SLC22A14: variants seen among roughly 807,000 people sequenced by gnomAD.
SLC22A14 encodes the protein solute carrier family 22 member 14.
Under a neutral mutation model 53.9 loss-of-function variants are expected in SLC22A14, and 50 were observed. The ratio of observed to expected loss-of-function variants is 0.93; its 90% CI spans 0.74 to 1.17. The LOEUF (loss-of-function observed/expected upper bound fraction) is 1.17, where lower values mean the gene tolerates loss of function less well. Among genes scored for constraint, SLC22A14 ranks in the 50% most tolerant of loss-of-function variants. The pLI is 0.00. For missense variants in SLC22A14, 671 were observed against 734.7 expected (o/e 0.91, Z 1.00); for synonymous variants, 312 against 303.0 (o/e 1.03, Z -0.31).
intron 1 of SLC22A14, among the ~76,000 whole-genome samples, chr3:38,300,528 T>G (rs1239508991): frequency 6.6e-6 from 1 of 152,070 alleles, no homozygotes; most frequent in Non-Finnish European, 1.5e-5. Flanking sequence ...GCACATTGGG[T>G]GGAGTCTAGA....
intron 1 of SLC22A14, among the ~76,000 whole-genome samples, 190 bp downstream of exon 1, chr3:38,282,529 C>T (rs1444241): frequency 0.04 from 6,163 of 152,244 alleles, 333 homozygotes; most frequent in African/African-American, 0.12. Flanking sequence ...TCCCAGAAAG[C>T]GTGAGTTCTC....
At chr3:38,315,246 G>A (rs3828441) in intron 8 of SLC22A14, among the ~76,000 whole-genome samples, 34,262 of 152,282 alleles carry the variant, frequency 0.22, 4,038 homozygotes, top group South Asian at 0.43. Flanking sequence ...GGGTGAGGAA[G>A]CTGCAATTGG....
chr3:38,312,604 A>G (rs1325563625), intron 5 of SLC22A14, among the ~76,000 whole-genome samples: 2 of 152,158 alleles, frequency 1.3e-5, no homozygotes, highest in East Asian at 3.9e-4. Flanking sequence ...AACAGGAGAA[A>G]TCCCAACTAA....
chr3:38,281,669 G>A (rs866257530), upstream of SLC22A14, among the ~76,000 whole-genome samples: 1 of 152,194 alleles, frequency 6.6e-6, no homozygotes, highest in South Asian at 2.1e-4. Flanking sequence ...GCCCCATCAC[G>A]CTACCACACT....
intron 1 of SLC22A14, among the ~76,000 whole-genome samples, chr3:38,297,374 A>G (rs1274367663): frequency 6.6e-6 from 1 of 152,098 alleles, no homozygotes; most frequent in Non-Finnish European, 1.5e-5. Flanking sequence ...AGCCTTTTTC[A>G]TGCTTTAATA....
chr3:38,299,909 T>A (rs1448395094), intron 1 of SLC22A14, among the ~76,000 whole-genome samples: 2 of 152,240 alleles, frequency 1.3e-5, no homozygotes, highest in Non-Finnish European at 2.9e-5. Context: ...ACCAGCCTCC[T>A]ATGTATATGG....
intron 1 of SLC22A14, among the ~76,000 whole-genome samples, chr3:38,295,205 C>T (rs1704002855): frequency 6.6e-6 from 1 of 152,180 alleles, no homozygotes; most frequent in African/African-American, 2.4e-5. Flanking sequence ...ATTTAAATCC[C>T]CTGTTAGGAA....
At chr3:38,312,643 G>A (rs1704498602) in intron 5 of SLC22A14, among the ~76,000 whole-genome samples, 1 of 152,312 alleles carries the variant, frequency 6.6e-6, no homozygotes, top group Admixed American at 6.5e-5. Flanking sequence ...GGAGGCTGTG[G>A]GCATGGAGGT....
chr3:38,315,082 C>T (rs537826218), intron 8 of SLC22A14, among the ~76,000 whole-genome samples: 2 of 152,372 alleles, frequency 1.3e-5, no homozygotes, highest in South Asian at 4.1e-4. Flanking sequence ...GGCCGGAGAA[C>T]ATCCTGGAAT....
chr3:38,293,614 G>A (rs1038949182), intron 1 of SLC22A14, among the ~76,000 whole-genome samples: 13 of 150,674 alleles, frequency 8.6e-5, no homozygotes, highest in African/African-American at 2.5e-4. Context: ...CCAGAAAGGC[G>A]GTAGGATTTT....
At chr3:38,317,910 A>C (rs1704665405) in intron 10 of SLC22A14, among the ~76,000 whole-genome samples, 1 of 152,176 alleles carries the variant, frequency 6.6e-6, no homozygotes, top group Non-Finnish European at 1.5e-5. Flanking sequence ...AACCTACATA[A>C]AGCAGCTGGC....
chr3:38,315,594 C>A lies in SLC22A14; in HGVS notation c.1415C>A (p.Pro472Gln). Residue 472 changes from proline to glutamine, a missense_variant, in exon 9 of 11, where the codon CCG (proline) becomes CAG (glutamine). Physicochemically the swap from Pro to Gln is moderately conservative, Grantham distance 76 (BLOSUM62 -1). Coordinates refer to ENST00000448498, the MANE Select transcript of SLC22A14 (RefSeq NM_001320033.2). ...CTCAGACTCAAGTGGCCACGTTGTC[C>A]GGCCACAGAGCTGAAATCCATGACG... ...DGLRLKWPRCPATELKSMTIL... is the reference protein window; with the variant it reads ...DGLRLKWPRCQATELKSMTIL... 1.9e-6 allele frequency: 3 copies of A among 1,614,068 alleles called. No homozygotes were observed. Among genetic ancestry groups the A allele is most frequent in the Non-Finnish European group, 1.7e-6 (2 of 1,179,978 alleles).
chr3:38,314,061 A>G (rs1704560356), intron 8 of SLC22A14, 120 bp downstream of exon 8: 3 of 739,314 alleles, frequency 4.1e-6, no homozygotes, highest in South Asian at 1.7e-5. Flanking sequence ...TTCTGCACCT[A>G]TAGCCCACCC....
At chr3:38,281,198 C>G (rs909046806), upstream of SLC22A14, among the ~76,000 whole-genome samples, 1 of 152,178 alleles carries the variant, frequency 6.6e-6, no homozygotes, top group African/African-American at 2.4e-5. Flanking sequence ...TTGCAGTGCC[C>G]TGCCCCCAAA....
chr3:38,312,588 A>G (rs1280880824), intron 5 of SLC22A14, among the ~76,000 whole-genome samples: 1 of 152,174 alleles, frequency 6.6e-6, no homozygotes, highest in African/African-American at 2.4e-5. Context: ...GGGGAGACAG[A>G]TAGGGAACAG....
rs1171859217 is a variant in SLC22A14, at chr3:38,307,547, C to G, written c.621-19C>G. 8 of 1,611,402 alleles carry G rather than the reference C, an allele frequency of 5.0e-6. No individual in the cohort carries two copies. On this transcript the variant is annotated intron_variant, in intron 3 of 10. Coordinates refer to ENST00000448498, the MANE Select transcript of SLC22A14 (RefSeq NM_001320033.2). The surrounding 1 kb of genome is among the most constrained non-coding windows in gnomAD (Gnocchi z 4.4). ...GGGAGATCCCGGCACTTGGTGCAGC[C>G]TCCCTTTGACACCTGTAGGATGGGC...
At chr3:38,287,143 T>C (rs1221214254) in intron 1 of SLC22A14, among the ~76,000 whole-genome samples, 1 of 152,142 alleles carries the variant, frequency 6.6e-6, no homozygotes, top group African/African-American at 2.4e-5. Context: ...CTCCTTCCAG[T>C]TGTGTCCAGT....
chr3:38,317,420 T>C (rs1704653150), intron 10 of SLC22A14, among the ~76,000 whole-genome samples: 1 of 152,180 alleles, frequency 6.6e-6, no homozygotes, highest in South Asian at 2.1e-4. Flanking sequence ...ACTCTGACAG[T>C]GGGATATACA....
At position 38,316,394 on chromosome 3, in the gene SLC22A14, C is replaced by T; in HGVS notation, c.1603C>T (p.Gln535Ter). ...GAILSLTIIS[Q>*]TPSLLPIFLC... ...CATCTTGTCCCTGACAATCATCAGC[C>T]AGACCCCCTCCCTCCTGCCCATCTT... is the stretch of plus-strand genomic sequence containing the variant. Residue 535 changes from glutamine to a stop codon, truncating the protein, a stop_gained, in exon 10 of 11, where the codon CAG (glutamine) becomes TAG (stop). Coordinates refer to ENST00000448498, the MANE Select transcript of SLC22A14 (RefSeq NM_001320033.2). LOFTEE classifies it high-confidence loss of function. 2 of 1,614,182 alleles carry T rather than the reference C, an allele frequency of 1.2e-6. No individual in the cohort carries two copies. The highest frequency in any genetic ancestry group is 1.6e-4 in the Middle Eastern group (1 of 6,062).
Sources: gnomAD v4.1 joint callset for allele counts (sites outside exome capture counted in the v4.1 genomes callset) on GRCh38, gnomAD v4.1.1 for gene constraint, Gnocchi (gnomAD v3.1) non-coding constraint, MANE v1.5 for transcripts, NCBI Gene and HGNC (gene_info 2026-07-23, HGNC 2026-07-21) for gene names.